KCNB2: variants seen among roughly 807,000 people sequenced by gnomAD.
KCNB2 encodes potassium voltage-gated channel subfamily B member 2.
KCNB2 carries 15 observed loss-of-function variants against 61.5 expected under a neutral mutation model. The ratio of observed to expected loss-of-function variants is 0.24; its 90% CI spans 0.16 to 0.38. KCNB2 has a LOEUF of 0.38. Ranked by LOEUF, KCNB2 falls within the 10% of genes least tolerant of loss-of-function variation. The probability of loss-of-function intolerance (pLI) is 1.00; values close to 1 mark genes in which losing one functional copy is unlikely to be tolerated. For synonymous variants in KCNB2, 457 were observed against 446.0 expected (o/e 1.02, Z -0.31); for missense variants, 828 against 1,125.2 (o/e 0.74, Z 3.78).
At chr8:72,810,030 G>A (rs937720403) in intron 2 of KCNB2, among the ~76,000 whole-genome samples, 6 of 152,062 alleles carry the variant, frequency 3.9e-5, no homozygotes, top group Admixed American at 1.3e-4. Flanking sequence ...GCTCCTCCTA[G>A]AATGGTTTTT....
rs60544417 is a variant in KCNB2 at position 72,922,363 on chromosome 8, G to A, written c.580-13572G>A. On this transcript the variant is annotated intron_variant, in intron 2 of 2. Coordinates refer to ENST00000523207, the MANE Select transcript of KCNB2 (RefSeq NM_004770.3). The stretch of plus-strand genomic sequence containing the variant: ...AAGATCACACTCTGAGCTTTTGGAT[G>A]TACAAGAATTCTGGAGAGATGCCAT... Among the ~76,000 whole-genome samples, 4 of 152,324 alleles carry A rather than the reference G, an allele frequency of 2.6e-5. No individual in the cohort carries two copies. In the East Asian group the frequency reaches 5.8e-4, roughly 22 times the overall value.
At chr8:72,576,660 A>T (rs1025280717) in intron 2 of KCNB2, among the ~76,000 whole-genome samples, 8 of 152,206 alleles carry the variant, frequency 5.3e-5, no homozygotes, top group Non-Finnish European at 8.8e-5. Flanking sequence ...TCCACATAGT[A>T]TGTGGGCACT....
intron 2 of KCNB2, among the ~76,000 whole-genome samples, chr8:72,918,962 AC>A (rs1296899607): frequency 6.6e-6 from 1 of 152,212 alleles, no homozygotes; most frequent in East Asian, 1.9e-4. Context: ...AACTCTGCAA[AC>A]AACAGCTGTG....
chr8:72,540,041 T>C (rs1031398561), intron 1 of KCNB2, among the ~76,000 whole-genome samples: 2 of 152,178 alleles, frequency 1.3e-5, no homozygotes, highest in African/African-American at 2.4e-5. Flanking sequence ...TGTCTACAAA[T>C]GTGCAAGTCT....
intron 2 of KCNB2, among the ~76,000 whole-genome samples, chr8:72,578,723 A>G (rs542725895): frequency 2.0e-5 from 3 of 152,358 alleles, no homozygotes; most frequent in East Asian, 1.9e-4. Flanking sequence ...GATTTTAACA[A>G]TATACCAAGT....
rs1195297603 is a variant in KCNB2, at chr8:72,936,808, A to G, written c.1453A>G (p.Asn485Asp). Reference sequence around the variant, plus strand: ...CAACACAAAGGACTCCGCCGACGATAATCACCTGTCGCCAAGCCGGTGGAA... The same window carrying G: ...CAACACAAAGGACTCCGCCGACGATGATCACCTGTCGCCAAGCCGGTGGAA... ...SANTKDSADD[N>D]HLSPSRWKWA... The change falls in exon 3 of 3, where the codon AAT (asparagine) becomes GAT (aspartate). Residue 485 changes from asparagine (N) to aspartate (D), a missense_variant. By Grantham distance (23) the Asn-to-Asp change is conservative. Around this residue, in one of 4 missense-constraint regions of KCNB2, gnomAD observed 559 missense variants for 588.4 expected, o/e 0.95. Transcript: ENST00000523207. The surrounding 1 kb of genome is among the most constrained non-coding windows in gnomAD (Gnocchi z 5.6). 10 of 1,614,038 alleles carry G rather than the reference A, an allele frequency of 6.2e-6. No homozygotes were observed. The highest frequency in any genetic ancestry group is 1.7e-5 in the Admixed American group (1 of 60,002).
chr8:72,541,691 G>GTTTTT (rs1393213266), intron 1 of KCNB2, among the ~76,000 whole-genome samples: 2 of 152,020 alleles, frequency 1.3e-5, no homozygotes, highest in African/African-American at 4.8e-5. Flanking sequence ...GAAATAAGAA[G>GTTTTT]GTAGTTTAGA....
intron 2 of KCNB2, among the ~76,000 whole-genome samples, chr8:72,799,701 C>A (rs11779689): frequency 6.6e-6 from 1 of 151,912 alleles, no homozygotes; most frequent in Non-Finnish European, 1.5e-5. Flanking sequence ...GTAGCAAATA[C>A]GTATTCAGTA....
At position 72,936,125 on chromosome 8, in the gene KCNB2, A is replaced by C; in HGVS notation, c.770A>C (p.Asn257Thr). The C allele has an allele frequency of 1.1e-5, 17 of 1,614,182 alleles. No individual in the cohort carries two copies. Among genetic ancestry groups the C allele is most frequent in the Non-Finnish European group, 1.4e-5 (16 of 1,180,020 alleles). ...EYLLRFLSSPNKWKFFKGPLN... is the reference protein window; with the variant it reads ...EYLLRFLSSPTKWKFFKGPLN... ...CTTTTGCGATTCTTATCCTCACCAA[A>C]TAAATGGAAGTTCTTCAAAGGCCCA... Residue 257 changes from asparagine (N) to threonine (T), a missense_variant, in exon 3 of 3, where the codon AAT becomes ACT. Physicochemically the swap from Asn to Thr is moderately conservative, Grantham distance 65. Coordinates refer to ENST00000523207, the MANE Select transcript of KCNB2 (RefSeq NM_004770.3). This position sits in a 1 kb window ranked among gnomAD's most constrained non-coding sequence, Gnocchi z 5.6.
intron 2 of KCNB2, among the ~76,000 whole-genome samples, chr8:72,843,862 C>T (rs536861083): frequency 1.3e-5 from 2 of 152,242 alleles, no homozygotes; most frequent in South Asian, 4.2e-4. Context: ...CTGAATACAG[C>T]ACACCAATGG....
chr8:72,601,081 T>TA (rs1165668433), intron 2 of KCNB2, among the ~76,000 whole-genome samples: 2 of 151,774 alleles, frequency 1.3e-5, no homozygotes, highest in South Asian at 2.1e-4. Context: ...TTGCTACCTG[T>TA]AAAAAAAAGG....
chr8:72,813,355 G>A (rs998826326), intron 2 of KCNB2, among the ~76,000 whole-genome samples: 6 of 151,422 alleles, frequency 4.0e-5, no homozygotes, highest in Admixed American at 6.6e-5. Flanking sequence ...TAGAAACATC[G>A]TAAGACTTAA....
At position 72,936,369 on chromosome 8, in the gene KCNB2, G is replaced by A. The variant is rs1167462284; in HGVS notation, c.1014G>A (p.Leu338=). The change falls in exon 3 of 3, where the codon TTG becomes TTA. Residue 338 remains leucine, a synonymous_variant. Transcript: ENST00000523207. The surrounding 1 kb of genome is among the most constrained non-coding windows in gnomAD (Gnocchi z 5.6). ...LRRSYNELGL[L]ILFLAMGIMI... ...GGAGTTACAATGAATTGGGCTTGTT[G>A]ATATTGTTTCTGGCCATGGGGATAA... The A allele has an allele frequency of 6.2e-7, 1 of 1,614,216 alleles. No individual in the cohort carries two copies.
chr8:72,870,633 T>A (rs898161579), intron 2 of KCNB2, among the ~76,000 whole-genome samples: 11 of 152,338 alleles, frequency 7.2e-5, no homozygotes, highest in African/African-American at 2.6e-4. Context: ...TTAATATATG[T>A]GAGTTTTGGC....
At chr8:72,806,149 G>A (rs191620700) in intron 2 of KCNB2, among the ~76,000 whole-genome samples, 317 of 152,156 alleles carry the variant, frequency 2.1e-3, no homozygotes, top group African/African-American at 7.1e-3. Flanking sequence ...CACGAGGTCA[G>A]GAGTTCAAGA....
intron 2 of KCNB2, among the ~76,000 whole-genome samples, chr8:72,804,030 C>T (rs557599374): frequency 2.0e-5 from 3 of 152,206 alleles, no homozygotes; most frequent in South Asian, 4.2e-4. Flanking sequence ...GTGGACATGG[C>T]GGGAGAGGGT....
intron 2 of KCNB2, among the ~76,000 whole-genome samples, chr8:72,848,602 T>C (rs982816087): frequency 6.6e-6 from 1 of 152,186 alleles, no homozygotes; most frequent in Non-Finnish European, 1.5e-5. Context: ...AGTTTGCAGA[T>C]GGGTCCAGTC....
intron 2 of KCNB2, among the ~76,000 whole-genome samples, chr8:72,889,689 GA>G (rs936726017): frequency 1.3e-5 from 2 of 151,608 alleles, no homozygotes; most frequent in African/African-American, 2.4e-5. Context: ...TGTCTCAAAA[GA>G]AAAAAAGAAC....
Position 72,623,788 on chromosome 8 carries a change from T to C in KCNB2, c.579+55475T>C, listed in dbSNP as rs79664664. On this transcript the variant is annotated intron_variant, in intron 2 of 2. Transcript: ENST00000523207. ...GTAGGTCTTTACTCTCCTTATTTAA[T>C]ACATGAGAAGATGGATTTATAAAGA... 5.2e-3 allele frequency among the ~76,000 whole-genome samples: 793 copies of C among 152,346 alleles called. 8 individuals are homozygous for C. Among genetic ancestry groups the C allele is most frequent in the African/African-American group, 0.018 (763 of 41,570 alleles).
Sources: allele counts gnomAD v4.1 joint callset (sites outside exome capture counted in the v4.1 genomes callset), GRCh38; gene constraint gnomAD v4.1.1; regional missense constraint gnomAD v4.1.1; non-coding constraint Gnocchi (gnomAD v3.1); transcripts MANE v1.5; gene names NCBI Gene and HGNC (gene_info 2026-07-23, HGNC 2026-07-21).